The following FAR2 variants were observed in gnomAD, a reference collection of about 807,000 sequenced individuals.
The protein encoded by FAR2 is epididymis secretory protein Li 81.
FAR2 carries 19 observed loss-of-function variants against 56.0 expected under a neutral mutation model. The ratio of observed to expected loss-of-function variants is 0.34; its 90% confidence interval spans 0.24 to 0.50. The LOEUF is 0.50. FAR2 is among the 20% of genes least tolerant of loss of function. FAR2 has a pLI of 0.98. For missense variants in FAR2, 508 were observed against 642.2 expected, an observed-to-expected ratio of 0.79 and a Z score of 2.26; for synonymous variants, 219 against 218.8, an observed-to-expected ratio of 1.00 and a Z score of -0.01.
intron 1 of FAR2, among the ~76,000 whole-genome samples, chr12:29,157,562 T>C (rs1949740071): frequency 1.3e-5 from 2 of 152,174 alleles, no homozygotes; most frequent in Non-Finnish European, 2.9e-5. Flanking sequence ...GGGAAGCTGT[T>C]GGATCAGTAG....
intron 1 of FAR2, among the ~76,000 whole-genome samples, chr12:29,211,966 C>T (rs965292665): frequency 6.6e-6 from 1 of 150,848 alleles, no homozygotes; most frequent in East Asian, 1.9e-4. Context: ...GTTTTGCTGT[C>T]ATGAGCCAAC....
chr12:29,252,180 G>T (rs2136677943), intron 1 of FAR2, among the ~76,000 whole-genome samples: 1 of 152,264 alleles, frequency 6.6e-6, no homozygotes. Flanking sequence ...CCACAGTGGA[G>T]GTAAGGAAGA....
chr12:29,187,852 C>A (rs983459403), intron 1 of FAR2, among the ~76,000 whole-genome samples: 2 of 152,172 alleles, frequency 1.3e-5, no homozygotes, highest in African/African-American at 4.8e-5. Flanking sequence ...CCCATTGTAG[C>A]ATGAAAGCAG....
chr12:29,174,252 G>C (rs1310805189), intron 1 of FAR2, among the ~76,000 whole-genome samples: 1 of 149,178 alleles, frequency 6.7e-6, no homozygotes, highest in Admixed American at 6.7e-5. Flanking sequence ...ACATTTCAGA[G>C]AAGATAGTCT....
intron 1 of FAR2, among the ~76,000 whole-genome samples, chr12:29,165,010 G>A (rs1230876323): frequency 6.6e-6 from 1 of 152,128 alleles, no homozygotes; most frequent in African/African-American, 2.4e-5. Context: ...GTTCCAGTTT[G>A]TGAATTGTCT....
chr12:29,196,896 C>G (rs1720017967), intron 1 of FAR2, among the ~76,000 whole-genome samples: 1 of 152,124 alleles, frequency 6.6e-6, no homozygotes, highest in Non-Finnish European at 1.5e-5. Flanking sequence ...ACAAGGGACA[C>G]AGACAGCTCA....
rs1949458472 is a variant in FAR2 at position 29,316,836 on chromosome 12, C to T, written c.956-5C>T. 2 of 1,612,938 alleles carry T rather than the reference C, an allele frequency of 1.2e-6. No homozygotes were observed. Among genetic ancestry groups the T allele is most frequent in the Non-Finnish European group, 1.7e-6 (2 of 1,179,552 alleles). ...CCTCTAGCACTTACTTTCTTTTTTC[C>T]CCAGGAGTCCAAGTCTTGGCAACCT... On this transcript the variant is annotated splice_region_variant and splice_polypyrimidine_tract_variant and intron_variant, in intron 8 of 11. Coordinates refer to ENST00000536681, the MANE Select transcript of FAR2 (RefSeq NM_001271783.2).
chr12:29,288,247 G>A (rs1277320603), intron 2 of FAR2, among the ~76,000 whole-genome samples: 1 of 152,094 alleles, frequency 6.6e-6, no homozygotes, highest in Non-Finnish European at 1.5e-5. Flanking sequence ...CTCTTGTAAA[G>A]AACAAGGTTT....
chr12:29,186,744 G>GTTCT (rs1392136523), intron 1 of FAR2, among the ~76,000 whole-genome samples: 2 of 137,650 alleles, frequency 1.5e-5, no homozygotes, highest in Non-Finnish European at 3.2e-5. Context: ...ATACAGCTTA[G>GTTCT]TTCTTTATTT....
intron 1 of FAR2, among the ~76,000 whole-genome samples, chr12:29,179,053 G>A (rs1031464973): frequency 3.3e-5 from 5 of 152,106 alleles, no homozygotes; most frequent in Non-Finnish European, 5.9e-5. Flanking sequence ...CTCTGTATGT[G>A]TTTGTGTGCA....
At chr12:29,160,152 G>A (rs1323148317) in intron 1 of FAR2, among the ~76,000 whole-genome samples, 2 of 152,170 alleles carry the variant, frequency 1.3e-5, no homozygotes, top group African/African-American at 4.8e-5. Context: ...CATTAAGTGG[G>A]CCATTTTAGT....
At position 29,177,121 on chromosome 12, in the gene FAR2, C is replaced by T. The variant is rs73265760; in HGVS notation, c.-39+27714C>T. ...TCGATTTAAATAAATAACCCGATTA[C>T]GAGCCTGAGGAAGTTTATGAATGAT... On this transcript the variant is annotated intron_variant, in intron 1 of 11. Transcript: ENST00000536681. 2.2e-3 allele frequency among the ~76,000 whole-genome samples: 335 copies of T among 152,268 alleles called. 2 individuals are homozygous for T. The highest frequency in any genetic ancestry group is 7.5e-3 in the African/African-American group (312 of 41,536).
chr12:29,257,508 A>G (rs574830815), intron 1 of FAR2, among the ~76,000 whole-genome samples: 2 of 152,250 alleles, frequency 1.3e-5, no homozygotes, highest in East Asian at 1.9e-4. Context: ...ACGCTGTGGA[A>G]GCTTTGTTCT....
intron 1 of FAR2, among the ~76,000 whole-genome samples, chr12:29,258,185 A>AG (rs1948358742): frequency 1.5e-5 from 1 of 68,686 alleles, no homozygotes; most frequent in African/African-American, 4.8e-5. Context: ...CTTTACTTAA[A>AG]AAAAAAAAAA....
intron 1 of FAR2, among the ~76,000 whole-genome samples, chr12:29,207,722 T>C (rs1297951405): frequency 6.6e-6 from 1 of 152,138 alleles, no homozygotes; most frequent in Non-Finnish European, 1.5e-5. Context: ...TACATAGGGA[T>C]AGATTATTTG....
chr12:29,230,867 GAGTCAAGTAA>G (rs1304836047), intron 1 of FAR2, among the ~76,000 whole-genome samples: 1 of 152,162 alleles, frequency 6.6e-6, no homozygotes, highest in Non-Finnish European at 1.5e-5. Context: ...AGATTGTTTT[GAGTCAAGTAA>G]AGTCAGAGAT....
chr12:29,218,475 A>G (rs1433137723), intron 1 of FAR2, among the ~76,000 whole-genome samples: 2 of 152,230 alleles, frequency 1.3e-5, no homozygotes, highest in Non-Finnish European at 2.9e-5. Flanking sequence ...AAAGAAAGGA[A>G]TGAAAGCTAA....
chr12:29,275,416 G>T (rs901823317), intron 2 of FAR2, among the ~76,000 whole-genome samples: 2 of 152,144 alleles, frequency 1.3e-5, no homozygotes, highest in Non-Finnish European at 2.9e-5. Flanking sequence ...GGATGTGTAC[G>T]TGCAGGTCAC....
chr12:29,269,855 T>G (rs1315223488), intron 1 of FAR2, among the ~76,000 whole-genome samples: 3 of 152,220 alleles, frequency 2.0e-5, no homozygotes, highest in African/African-American at 7.2e-5. Flanking sequence ...GTTCTAAGCT[T>G]TGGTTTCACA....
Sources: gnomAD v4.1 joint callset for allele counts (sites outside exome capture counted in the v4.1 genomes callset) on GRCh38, gnomAD v4.1.1 for gene constraint, MANE v1.5 for transcripts, NCBI Gene and HGNC (gene_info 2026-07-23, HGNC 2026-07-21) for gene names.